GRIK4: variants seen among roughly 807,000 people sequenced by gnomAD.
The protein encoded by GRIK4 is glutamate receptor ionotropic, kainate 4.
GRIK4 carries 40 observed loss-of-function variants against 104.9 expected under a neutral mutation model. The ratio of observed to expected loss-of-function variants is 0.38; its 90% CI spans 0.30 to 0.50. GRIK4 has a LOEUF of 0.50. Ranked by LOEUF, GRIK4 falls within the 20% of genes least tolerant of loss-of-function variation. The pLI is 0.93. For missense variants in GRIK4, 1,047 were observed against 1,308.1 expected (o/e 0.80, Z 3.08); for synonymous variants, 485 against 524.9 (o/e 0.92, Z 1.04).
At position 120,986,444 on chromosome 11, in the gene GRIK4, G is replaced by A; in HGVS notation, c.*184G>A. ...CAGCCAGAGACCGCGCCCGGTCAGG[G>A]AGCAGGGTCCACCCGGAAACGTTGC... On this transcript the variant is annotated 3_prime_UTR_variant, in exon 21 of 21. Transcript: ENST00000527524. The A allele has an allele frequency of 4.9e-6, 4 of 814,328 alleles. No individual in the cohort carries two copies. Among genetic ancestry groups the A allele is most frequent in the Non-Finnish European group, 7.2e-6 (4 of 558,860 alleles). The allele number at this position is 814,328 out of a possible 1,614,324, so 50.4% of individuals were successfully genotyped here.
intron 1 of GRIK4, among the ~76,000 whole-genome samples, chr11:120,610,433 C>A (rs1949021411): frequency 6.6e-6 from 1 of 152,190 alleles, no homozygotes; most frequent in South Asian, 2.1e-4. Flanking sequence ...CCCTAAGCCT[C>A]GGAACACGTG....
chr11:120,705,035 T>C (rs1380790509), intron 3 of GRIK4, among the ~76,000 whole-genome samples: 1 of 152,198 alleles, frequency 6.6e-6, no homozygotes, highest in Non-Finnish European at 1.5e-5. Flanking sequence ...GACTCTCAAT[T>C]CTATTCCATT....
At chr11:120,685,674 G>T (rs1950264218) in intron 3 of GRIK4, among the ~76,000 whole-genome samples, 1 of 152,018 alleles carries the variant, frequency 6.6e-6, no homozygotes, top group Non-Finnish European at 1.5e-5. Context: ...CAACCCAATG[G>T]CATTTTCTTG....
chr11:120,558,614 CA>C (rs1054177823), intron 1 of GRIK4, among the ~76,000 whole-genome samples: 3 of 151,790 alleles, frequency 2.0e-5, no homozygotes, highest in Admixed American at 1.3e-4. Context: ...CAAAACAAAA[CA>C]AAAAAAACCC....
At chr11:120,695,402 G>T (rs990146313) in intron 3 of GRIK4, among the ~76,000 whole-genome samples, 1 of 152,228 alleles carries the variant, frequency 6.6e-6, no homozygotes, top group African/African-American at 2.4e-5. Context: ...CTCGCCAAGG[G>T]ATTGCTTCGA....
At chr11:120,914,021 G>A (rs1463003772) in intron 13 of GRIK4, among the ~76,000 whole-genome samples, 1 of 152,248 alleles carries the variant, frequency 6.6e-6, no homozygotes, top group Non-Finnish European at 1.5e-5. Context: ...TTCCCCGTGT[G>A]ACAGCCGAGC....
intron 8 of GRIK4, among the ~76,000 whole-genome samples, chr11:120,850,870 AG>A (rs968589535): frequency 1.3e-5 from 2 of 151,450 alleles, no homozygotes; most frequent in African/African-American, 4.8e-5. Context: ...AAGCACCATT[AG>A]GAGTAGCAAT....
intron 4 of GRIK4, among the ~76,000 whole-genome samples, chr11:120,804,890 A>G (rs1174154179): frequency 6.6e-6 from 1 of 152,128 alleles, no homozygotes; most frequent in Non-Finnish European, 1.5e-5. Context: ...TCCTGCTCCT[A>G]TGACTGAGGG....
chr11:120,527,595 G>A (rs1007911772), intron 1 of GRIK4, among the ~76,000 whole-genome samples: 5 of 152,258 alleles, frequency 3.3e-5, no homozygotes, highest in Admixed American at 3.3e-4. Flanking sequence ...GGGGCGGGCT[G>A]GGGGCTGGGA....
At chr11:120,581,982 T>C (rs1280500680) in intron 1 of GRIK4, among the ~76,000 whole-genome samples, 1 of 151,998 alleles carries the variant, frequency 6.6e-6, no homozygotes. Context: ...AACTTTTTAA[T>C]ATTTTTAGTA....
chr11:120,629,760 C>T (rs1029167886), intron 1 of GRIK4, among the ~76,000 whole-genome samples: 4 of 152,242 alleles, frequency 2.6e-5, no homozygotes, highest in African/African-American at 4.8e-5. Flanking sequence ...TTCCTTCCAG[C>T]GGCTCCCCAT....
intron 3 of GRIK4, among the ~76,000 whole-genome samples, chr11:120,745,440 ACTT>A (rs1951422381): frequency 6.6e-6 from 1 of 152,114 alleles, no homozygotes. Flanking sequence ...GCATCCATCT[ACTT>A]CTTTTTAAAA....
chr11:120,519,231 C>T (rs1315518801), intron 1 of GRIK4, among the ~76,000 whole-genome samples: 1 of 152,122 alleles, frequency 6.6e-6, no homozygotes, highest in African/African-American at 2.4e-5. Context: ...AAGTACTTTC[C>T]ATATATTATC....
At chr11:120,787,712 C>T (rs1163105934) in intron 3 of GRIK4, among the ~76,000 whole-genome samples, 1 of 151,948 alleles carries the variant, frequency 6.6e-6, no homozygotes, top group Admixed American at 6.6e-5. Flanking sequence ...ATCCACCTGC[C>T]TTGGCCTCCC....
At chr11:120,848,278 C>T (rs1285750541) in intron 8 of GRIK4, among the ~76,000 whole-genome samples, 1 of 152,234 alleles carries the variant, frequency 6.6e-6, no homozygotes, top group Non-Finnish European at 1.5e-5. Flanking sequence ...GCAGGGCTTA[C>T]CTCCTATGCT....
chr11:120,619,413 T>C (rs1949157172), intron 1 of GRIK4, among the ~76,000 whole-genome samples: 1 of 152,196 alleles, frequency 6.6e-6, no homozygotes, highest in African/African-American at 2.4e-5. Context: ...ACTTTTGAGT[T>C]AATGCTGGAA....
intron 2 of GRIK4, among the ~76,000 whole-genome samples, chr11:120,654,323 A>G (rs1893906): frequency 0.73 from 110,585 of 152,078 alleles, 40,604 homozygotes; most frequent in African/African-American, 0.84. Flanking sequence ...ATCTTACAGG[A>G]TGAGTGCGTG....
At chr11:120,720,714 A>G (rs1027148744) in intron 3 of GRIK4, among the ~76,000 whole-genome samples, 1 of 151,996 alleles carries the variant, frequency 6.6e-6, no homozygotes, top group Non-Finnish European at 1.5e-5. Context: ...GTTAGGGAGG[A>G]ATAGGGAGGG....
chr11:120,962,992 T>G, intron 18 of GRIK4: 1 of 220,894 alleles, frequency 4.5e-6, no homozygotes, highest in Non-Finnish European at 8.8e-6. Flanking sequence ...GGTGTGTATT[T>G]AGGCCTTTTG....
Sources: gnomAD v4.1 joint callset for allele counts (sites outside exome capture counted in the v4.1 genomes callset) on GRCh38, gnomAD v4.1.1 for gene constraint, MANE v1.5 for transcripts, NCBI Gene and HGNC (gene_info 2026-07-23, HGNC 2026-07-21) for gene names.